Variants in FLT1 observed in about 807,000 individuals in gnomAD.
FLT1 encodes the protein vascular endothelial growth factor receptor 1.
Under a neutral mutation model 156.3 loss-of-function variants are expected in FLT1, and 49 were observed. The observed-to-expected ratio is 0.31, with a 90% CI of 0.25 to 0.40. The LOEUF (loss-of-function observed/expected upper bound fraction) is 0.40. Among genes scored for constraint, FLT1 ranks in the 10% least tolerant of loss-of-function variants. The pLI is 1.00. For missense variants in FLT1, 1,322 were observed against 1,637.2 expected (o/e 0.81, Z 3.32); for synonymous variants, 594 against 583.8 (o/e 1.02, Z -0.25).
intron 11 of FLT1, among the ~76,000 whole-genome samples, chr13:28,403,503 T>C (rs1875592219): frequency 1.3e-5 from 2 of 152,364 alleles, no homozygotes; most frequent in South Asian, 4.1e-4. Context: ...TTCTCATTTT[T>C]CATTTCATTT....
chr13:28,321,306 G>A (rs953633763), intron 23 of FLT1, among the ~76,000 whole-genome samples, 157 bp downstream of exon 23: 1 of 152,146 alleles, frequency 6.6e-6, no homozygotes, highest in African/African-American at 2.4e-5. Context: ...CTTACACAAG[G>A]GCTCTCTGGG....
chr13:28,309,667 C>A (rs1019271145), intron 27 of FLT1, among the ~76,000 whole-genome samples: 5 of 150,064 alleles, frequency 3.3e-5, no homozygotes, highest in South Asian at 2.2e-4. Context: ...ACCCACCCCC[C>A]CTCCCTCTCT....
chr13:28,448,866 G>A (rs566807160), intron 3 of FLT1, among the ~76,000 whole-genome samples: 1 of 152,168 alleles, frequency 6.6e-6, no homozygotes, highest in Non-Finnish European at 1.5e-5. Context: ...AGATCTCCCA[G>A]GGTAAACTCC....
At chr13:28,481,489 G>T (rs1400535378) in intron 1 of FLT1, among the ~76,000 whole-genome samples, 15 of 125,428 alleles carry the variant, frequency 1.2e-4, no homozygotes, top group Non-Finnish European at 2.6e-4. Context: ...ACACATACAC[G>T]TACTTAGAAG....
rs754303774 is a variant in FLT1, at chr13:28,321,534, C to T, written c.3103G>A (p.Val1035Met). 6.2e-6 allele frequency: 10 copies of T among 1,614,068 alleles called. No individual in the cohort carries two copies. Among genetic ancestry groups the T allele is most frequent in the Non-Finnish European group, 1.7e-6 (2 of 1,179,902 alleles). The change falls in exon 23 of 30, where the codon GTG becomes ATG. Residue 1035 changes from valine (V) to methionine (M), a missense_variant. Physicochemically the swap from Val to Met is conservative, Grantham distance 21. Coordinates refer to ENST00000282397, the MANE Select transcript of FLT1 (RefSeq NM_002019.4). ...AGGCCAAAATCACAAATCTTCACCA[C>T]GTTGTTCTCAGATAAAAGAATGTTT... ...ARNILLSENN[V>M]VKICDFGLAR...
intron 14 of FLT1, 84 bp from the exon 15 acceptor site, chr13:28,357,769 C>T (rs558067051): frequency 1.4e-5 from 18 of 1,253,144 alleles, no homozygotes; most frequent in Non-Finnish European, 1.9e-5. Context: ...TTCTTCCTAT[C>T]ATTATGCATT....
chr13:28,389,524 C>T lies in FLT1; in HGVS notation c.1969+272G>A. ...CCAAACGTGCACCAAGTCGGCCCCC[C>T]GGAGCAGCCCCCTCGGCCTGAATGG... On this transcript the variant is annotated intron_variant, in intron 13 of 29. Transcript: ENST00000282397. 5 of 1,423,438 alleles carry T rather than the reference C, an allele frequency of 3.5e-6. No homozygotes were observed. In the South Asian group the frequency reaches 4.8e-5, roughly 14 times the overall value. The allele number at this position is 1,423,438 out of a possible 1,614,324, so 88.2% of individuals were successfully genotyped here.
intron 10 of FLT1, among the ~76,000 whole-genome samples, chr13:28,425,577 T>C (rs1263732647): frequency 6.6e-6 from 1 of 152,250 alleles, no homozygotes; most frequent in Admixed American, 6.5e-5. Flanking sequence ...TGTTATTTTC[T>C]AACATAGTTA....
chr13:28,375,484 G>A (rs1031288745), intron 14 of FLT1, among the ~76,000 whole-genome samples: 2 of 152,074 alleles, frequency 1.3e-5, no homozygotes, highest in Non-Finnish European at 2.9e-5. Flanking sequence ...ATGTCAACAG[G>A]TTAGTTTTCG....
intron 10 of FLT1, among the ~76,000 whole-genome samples, chr13:28,412,800 G>A (rs568505970): frequency 1.2e-4 from 17 of 145,078 alleles, no homozygotes; most frequent in Non-Finnish European, 2.2e-4. Context: ...GCAGTGGCGC[G>A]ATCTCGGCTC....
chr13:28,412,776 G>C lies in FLT1; in HGVS notation c.1437-6882C>G, dbSNP rs1481656170. Among the ~76,000 whole-genome samples, 49 of 114,814 alleles carry C rather than the reference G, an allele frequency of 4.3e-4. No homozygotes were observed. The Middle Eastern group carries it at 0.032, about 76-fold the overall frequency. 75.3% of individuals were successfully genotyped at this position (114,814 alleles called of 152,430 possible). On this transcript the variant is annotated intron_variant, in intron 10 of 29. Transcript: ENST00000282397. Reference sequence around the variant, plus strand: ...TTTTGAGACGGAGTCTCTCTCTGTCGCCCAGGCTGGAGTGCAGTGGCGCGA... The same window carrying C: ...TTTTGAGACGGAGTCTCTCTCTGTCCCCCAGGCTGGAGTGCAGTGGCGCGA...
At chr13:28,306,155 A>G (rs1262091048) in intron 29 of FLT1, among the ~76,000 whole-genome samples, 1 of 152,118 alleles carries the variant, frequency 6.6e-6, no homozygotes, top group Non-Finnish European at 1.5e-5. Context: ...GCGTGGAGGG[A>G]GGAGCTGGTG....
At chr13:28,411,522 G>A (rs1375056916) in intron 10 of FLT1, among the ~76,000 whole-genome samples, 4 of 138,604 alleles carry the variant, frequency 2.9e-5, no homozygotes, top group African/African-American at 1.1e-4. Context: ...CTCCAGCCTG[G>A]TCAAGAAGAG....
At chr13:28,467,250 CT>C (rs1484785817) in intron 2 of FLT1, 121 bp from the exon 3 acceptor site, 3 of 806,596 alleles carry the variant, frequency 3.7e-6, no homozygotes, top group Non-Finnish European at 6.5e-6. Context: ...TCATCTTCCT[CT>C]TTACGGGAAA....
At chr13:28,355,007 T>A (rs563568174) in intron 15 of FLT1, among the ~76,000 whole-genome samples, 1 of 152,136 alleles carries the variant, frequency 6.6e-6, no homozygotes, top group Admixed American at 6.5e-5. Context: ...GGAATCAGCA[T>A]AGGAAGTCTA....
chr13:28,346,156 G>GC (rs1872559106), intron 15 of FLT1: 1 of 152,934 alleles, frequency 6.5e-6, no homozygotes, highest in Non-Finnish European at 1.5e-5. Flanking sequence ...GGCTTCATCA[G>GC]CCAGATTGGG....
intron 13 of FLT1, chr13:28,386,789 C>A: frequency 9.5e-7 from 1 of 1,053,290 alleles, no homozygotes; most frequent in South Asian, 4.6e-5. Context: ...AGAACAGTAT[C>A]ATATTATTAT....
intron 1 of FLT1, among the ~76,000 whole-genome samples, chr13:28,468,114 G>C (rs1879952444): frequency 6.6e-6 from 1 of 152,104 alleles, no homozygotes; most frequent in Non-Finnish European, 1.5e-5. Flanking sequence ...TGAATTTCAT[G>C]CAATCATTAG....
intron 15 of FLT1, 179 bp from the exon 16 acceptor site, chr13:28,345,730 T>A (rs1872540116): frequency 1.3e-5 from 8 of 611,058 alleles, no homozygotes; most frequent in South Asian, 7.5e-5. Context: ...GCAGTATACA[T>A]GAACTCACAT....
Sources: allele counts gnomAD v4.1 joint callset (sites outside exome capture counted in the v4.1 genomes callset), GRCh38; gene constraint gnomAD v4.1.1; transcripts MANE v1.5; gene names NCBI Gene and HGNC (gene_info 2026-07-23, HGNC 2026-07-21).